TMEM229B: variants seen among roughly 807,000 people sequenced by gnomAD.
TMEM229B encodes transmembrane protein 229B.
Under a neutral mutation model 13.7 loss-of-function variants are expected in TMEM229B, and 6 were observed. The ratio of observed to expected loss-of-function variants is 0.44; its 90% CI spans 0.24 to 0.86. The LOEUF is 0.86. Ranked by LOEUF, TMEM229B falls within the 40% of genes least tolerant of loss-of-function variation. TMEM229B has a pLI of 0.23. For synonymous variants in TMEM229B, 107 were observed against 102.1 expected (o/e 1.05, Z -0.29); for missense variants, 170 against 236.0 (o/e 0.72, Z 1.83).
intron 1 of TMEM229B, among the ~76,000 whole-genome samples, chr14:67,509,229 C>G (rs1220641232): frequency 2.0e-5 from 3 of 152,200 alleles, no homozygotes; most frequent in African/African-American, 7.2e-5. Context: ...ACAGACCTCT[C>G]CTTACTGAAC....
rs1042736146 is a variant in TMEM229B at position 67,473,837 on chromosome 14, C to T, written c.87G>A (p.Ala29=). Residue 29 remains alanine, a synonymous_variant, in exon 3 of 3, where the codon GCG becomes GCA. Transcript: ENST00000554480. The surrounding 1 kb of genome is among the most constrained non-coding windows in gnomAD (Gnocchi z 6.5). ...HGYFCEVMFT[A]AWEFVVNLNW... is the part of the protein sequence containing the mutation. ...TCAAGTTCACCACGAACTCCCAGGC[C>T]GCTGTGAACATCACCTCGCAGAAGT... The T allele has an allele frequency of 6.2e-6, 10 of 1,613,376 alleles. No individual in the cohort carries two copies. Among genetic ancestry groups the T allele is most frequent in the South Asian group, 4.4e-5 (4 of 90,808 alleles).
chr14:67,515,585 G>T (rs2033182136), upstream of TMEM229B: 1 of 152,852 alleles, frequency 6.5e-6, no homozygotes, highest in Admixed American at 6.5e-5. Flanking sequence ...GCAGCCCGGG[G>T]TCGGCCCCGC....
At chr14:67,508,107 C>G (rs1252385090) in intron 1 of TMEM229B, among the ~76,000 whole-genome samples, 1 of 144,898 alleles carries the variant, frequency 6.9e-6, no homozygotes, top group African/African-American at 2.6e-5. Context: ...TGCACTCCAG[C>G]CTGGGCAGCA....
chr14:67,509,494 T>C (rs1250071476), intron 1 of TMEM229B, among the ~76,000 whole-genome samples: 4 of 152,156 alleles, frequency 2.6e-5, no homozygotes, highest in African/African-American at 4.8e-5. Flanking sequence ...AATTTTTGTG[T>C]TTTTAGTAGA....
upstream of TMEM229B, among the ~76,000 whole-genome samples, chr14:67,516,611 T>C (rs1461792942): frequency 1.4e-5 from 2 of 139,598 alleles, no homozygotes; most frequent in Non-Finnish European, 3.2e-5. Flanking sequence ...AACCCTAATC[T>C]GATCCTGTGT....
intron 1 of TMEM229B, among the ~76,000 whole-genome samples, chr14:67,521,768 T>C (rs1455505925): frequency 6.6e-6 from 1 of 152,144 alleles, no homozygotes; most frequent in Non-Finnish European, 1.5e-5. Flanking sequence ...AAGACCAAAG[T>C]TAAAAGAAAT....
intron 2 of TMEM229B, among the ~76,000 whole-genome samples, chr14:67,477,965 T>C (rs1312334450): frequency 6.6e-6 from 1 of 152,082 alleles, no homozygotes; most frequent in African/African-American, 2.4e-5. Context: ...TGGTTCAGCA[T>C]AGTATTCCCA....
chr14:67,478,900 TA>T (rs145903235), intron 2 of TMEM229B, among the ~76,000 whole-genome samples: 10,757 of 152,204 alleles, frequency 0.071, 521 homozygotes, highest in Middle Eastern at 0.15. Context: ...TTGTTTAAGA[TA>T]GTGGTAAGAG....
In TMEM229B at chr14:67,507,933, G is replaced by A. The variant is rs547495936; in HGVS notation, c.-192+7153C>T. 1.7e-3 allele frequency among the ~76,000 whole-genome samples: 252 copies of A among 152,294 alleles called. 3 individuals carry two copies. The highest frequency in any genetic ancestry group is 8.2e-4 in the Non-Finnish European group (56 of 68,028). On this transcript the variant is annotated intron_variant, in intron 1 of 2. Transcript: ENST00000357461. Reference sequence around the variant, plus strand: ...GCCGGCAGTTCACCTGAGGTTGGGAGTTCCAGACCAGCCTGACCAACATGG... The same window carrying A: ...GCCGGCAGTTCACCTGAGGTTGGGAATTCCAGACCAGCCTGACCAACATGG...
chr14:67,533,485 C>T (rs1473913660), intron 1 of TMEM229B: 2 of 151,942 alleles, frequency 1.3e-5, no homozygotes, highest in African/African-American at 4.8e-5. Context: ...GACGGCCCCT[C>T]GGGCCCAGAG....
At chr14:67,484,248 T>C (rs1035538668) in intron 2 of TMEM229B, among the ~76,000 whole-genome samples, 1 of 152,230 alleles carries the variant, frequency 6.6e-6, no homozygotes, top group Non-Finnish European at 1.5e-5. Flanking sequence ...TGTTCACTGC[T>C]GTTTAGTCAG....
upstream of TMEM229B, among the ~76,000 whole-genome samples, chr14:67,492,197 G>A (rs113446881): frequency 1.8e-3 from 278 of 152,156 alleles, 2 homozygotes; most frequent in African/African-American, 6.5e-3. Context: ...CTGGTCCCAC[G>A]TCTATTTCCT....
chr14:67,507,211 A>G (rs1232082504), intron 1 of TMEM229B, among the ~76,000 whole-genome samples: 1 of 151,970 alleles, frequency 6.6e-6, no homozygotes, highest in East Asian at 1.9e-4. Flanking sequence ...AGGTGCTAAT[A>G]TAGGTGGTGC....
chr14:67,493,074 G>T (rs2032231394), upstream of TMEM229B, among the ~76,000 whole-genome samples: 1 of 152,174 alleles, frequency 6.6e-6, no homozygotes, highest in Non-Finnish European at 1.5e-5. Context: ...AAGAACTTTG[G>T]GAAAAGCATT....
At chr14:67,477,876 C>T (rs1024514117) in intron 2 of TMEM229B, among the ~76,000 whole-genome samples, 2 of 152,196 alleles carry the variant, frequency 1.3e-5, no homozygotes, top group Non-Finnish European at 2.9e-5. Flanking sequence ...TTAGAACCAG[C>T]GGTCTCAAAG....
chr14:67,531,826 T>C (rs1657905903), intron 1 of TMEM229B, among the ~76,000 whole-genome samples: 1 of 147,050 alleles, frequency 6.8e-6, no homozygotes, highest in Non-Finnish European at 1.5e-5. Flanking sequence ...GAGGATTGCT[T>C]GAGCCCAGGA....
At position 67,485,284 on chromosome 14, in the gene TMEM229B, C is replaced by G. The variant is rs567237021; in HGVS notation, c.-19+1716G>C. Among the ~76,000 whole-genome samples, 43 of 152,326 alleles carry G rather than the reference C, an allele frequency of 2.8e-4. No individual in the cohort carries two copies. In the East Asian group the frequency reaches 7.5e-3, roughly 27 times the overall value. ...CTCTTTACCCCCAACTCCCCTCCTA[C>G]AGTCTAGGCTTGCTCACACCACCCT... On this transcript the variant is annotated intron_variant, in intron 2 of 2. Coordinates refer to ENST00000554480, the MANE Select transcript of TMEM229B (RefSeq NM_001348543.2).
At chr14:67,476,842 G>C (rs2031234242) in intron 2 of TMEM229B, among the ~76,000 whole-genome samples, 1 of 151,886 alleles carries the variant, frequency 6.6e-6, no homozygotes, top group Non-Finnish European at 1.5e-5. Flanking sequence ...ATGCTCGATA[G>C]TGGCTGGGCA....
chr14:67,477,284 C>G (rs1170882309), intron 2 of TMEM229B, among the ~76,000 whole-genome samples: 2 of 152,214 alleles, frequency 1.3e-5, no homozygotes, highest in Non-Finnish European at 2.9e-5. Context: ...TCAGCCTTTT[C>G]CTCACAATCC....
Sources: gnomAD v4.1 joint callset for allele counts (sites outside exome capture counted in the v4.1 genomes callset) on GRCh38, gnomAD v4.1.1 for gene constraint, Gnocchi (gnomAD v3.1) non-coding constraint, MANE v1.5 for transcripts, NCBI Gene and HGNC (gene_info 2026-07-23, HGNC 2026-07-21) for gene names.